The following NEFL variants were observed in gnomAD, a reference collection of about 807,000 sequenced individuals.
NEFL encodes the protein neurofilament light chain, also known as neurofilament light polypeptide.
NEFL carries 36 observed loss-of-function variants against 51.6 expected under a neutral mutation model. The ratio of observed to expected loss-of-function variants is 0.70; its 90% CI spans 0.53 to 0.92. The LOEUF is 0.92. Ranked by LOEUF, NEFL falls within the 40% of genes least tolerant of loss-of-function variation. NEFL has a pLI of 0.00. For missense variants in NEFL, 671 were observed against 722.0 expected, an observed-to-expected ratio of 0.93 and a Z score of 0.81; for synonymous variants, 332 against 302.5, an observed-to-expected ratio of 1.10 and a Z score of -1.01.
chr8:24,953,876 G>A (rs1452962908), intron 2 of NEFL, 81 bp from the exon 3 acceptor site: 16 of 1,476,060 alleles, frequency 1.1e-5, no homozygotes, highest in South Asian at 1.0e-4. Flanking sequence ...ACAAAGGCAA[G>A]CAGGAGCAGG....
At position 24,956,080 on chromosome 8, in the gene NEFL, G is replaced by A. The variant is rs772789963; in HGVS notation, c.436C>T (p.Leu146=). The A allele has an allele frequency of 2.5e-6, 4 of 1,604,656 alleles. No homozygotes were observed. The highest frequency in any genetic ancestry group is 3.4e-6 in the Non-Finnish European group (4 of 1,178,506). ...GTGGCATCTTCCGCCGCCAGGCGCA[G>A]GTCGCGGATCTCCTGCTCGTACAGC... ...RALYEQEIRD[L]RLAAEDATNE... The change falls in exon 1 of 4, where the codon CTG becomes TTG. Residue 146 remains leucine, a synonymous_variant. Coordinates refer to ENST00000610854, the MANE Select transcript of NEFL (RefSeq NM_006158.5). The surrounding 1 kb of genome is among the most constrained non-coding windows in gnomAD (Gnocchi z 5.9).
Position 24,955,046 on chromosome 8 carries a change from G to T in NEFL, c.1044+426C>A, listed in dbSNP as rs1021369074. ...AGTGGTTGGTAAAACTAGTCATAAA[G>T]CATGCTGGTCACAGTAATCCTTCAG... On this transcript the variant is annotated intron_variant, in intron 1 of 3. Transcript: ENST00000610854. The surrounding 1 kb of genome is among the most constrained non-coding windows in gnomAD (Gnocchi z 4.0). 6.6e-6 allele frequency among the ~76,000 whole-genome samples: 1 copy of T among 152,184 alleles called. No homozygotes were observed. The highest frequency in any genetic ancestry group is 1.9e-4 in the East Asian group (1 of 5,194).
chr8:24,956,099 G>A lies in NEFL; in HGVS notation c.417C>T (p.Tyr139=), dbSNP rs545637885. Reference sequence around the variant, plus strand: ...GGCGCAGGTCGCGGATCTCCTGCTCGTACAGCGCCCGGAAGCGGGATGGCT... The same window carrying A: ...GGCGCAGGTCGCGGATCTCCTGCTCATACAGCGCCCGGAAGCGGGATGGCT... ...HSEPSRFRAL[Y]EQEIRDLRLA... The change falls in exon 1 of 4, where the codon TAC becomes TAT. Residue 139 remains tyrosine, a synonymous_variant. Coordinates refer to ENST00000610854, the MANE Select transcript of NEFL (RefSeq NM_006158.5). The surrounding 1 kb of genome is among the most constrained non-coding windows in gnomAD (Gnocchi z 5.9). 4 of 1,606,426 alleles carry A rather than the reference G, an allele frequency of 2.5e-6. No homozygotes were observed. In the Admixed American group the frequency reaches 5.0e-5, roughly 20 times the overall value.
chr8:24,953,509 C>T lies in NEFL; in HGVS notation c.1456G>A (p.Ala486Thr), dbSNP rs1451279397. 6.2e-7 allele frequency: 1 copy of T among 1,603,944 alleles called. No homozygotes were observed. Among genetic ancestry groups the T allele is most frequent in the Admixed American group, 1.7e-5 (1 of 57,518 alleles). The change falls in exon 3 of 4, where the codon GCC becomes ACC. Residue 486 changes from alanine (A) to threonine (T), a missense_variant. Coordinates refer to ENST00000610854, the MANE Select transcript of NEFL (RefSeq NM_006158.5). ...TCTTCAGCTGCCTCCTCTTCCTCGG[C>T]CTCTTCCTTGTCCTTCTCCTCCTCC... ...AEEEEKDKEE[A>T]EEEEAAEEEE... is the part of the protein sequence containing the mutation.
chr8:24,953,476 C>T lies in NEFL; in HGVS notation c.1489G>A (p.Ala497Thr), dbSNP rs1436526356. Residue 497 changes from alanine to threonine, a missense_variant and splice_region_variant, in exon 3 of 4, where the codon GCT becomes ACT. Coordinates refer to ENST00000610854, the MANE Select transcript of NEFL (RefSeq NM_006158.5). ...EEEEAAEEEE[A>T]AKEESEEAKE... is the part of the protein sequence containing the mutation. ...TTGCAGGGGTTTTTTCTTATCATAC[C>T]TTCTTCCTCTTCAGCTGCCTCCTCT... The T allele has an allele frequency of 5.1e-6, 8 of 1,563,280 alleles. No homozygotes were observed. The highest frequency in any genetic ancestry group is 2.4e-5 in the East Asian group (1 of 42,158).
At chr8:24,954,656 A>T (rs1410082313) in intron 1 of NEFL, among the ~76,000 whole-genome samples, 1 of 152,236 alleles carries the variant, frequency 6.6e-6, no homozygotes, top group South Asian at 2.1e-4. Context: ...GTTACATGCC[A>T]GGAAACTAAT....
In NEFL at chr8:24,956,211, G is replaced by A; in HGVS notation, c.305C>T (p.Ala102Val). 1.2e-6 allele frequency: 2 copies of A among 1,611,230 alleles called. No individual in the cohort carries two copies. Among genetic ancestry groups the A allele is most frequent in the Non-Finnish European group, 1.7e-6 (2 of 1,178,866 alleles). ...AQLQDLNDRFASFIERVHELE... is the reference protein window; with the variant it reads ...AQLQDLNDRFVSFIERVHELE... ...CTCGTGCACGCGCTCGATGAAGCTG[G>A]CGAAGCGGTCATTGAGGTCCTGGAG... is the stretch of plus-strand genomic sequence containing the variant. The change falls in exon 1 of 4, where the codon GCC becomes GTC. Residue 102 changes from alanine (A) to valine (V), a missense_variant. Coordinates refer to ENST00000610854, the MANE Select transcript of NEFL (RefSeq NM_006158.5). This position sits in a 1 kb window ranked among gnomAD's most constrained non-coding sequence, Gnocchi z 5.9.
chr8:24,954,212 T>C lies in NEFL; in HGVS notation c.1138A>G (p.Met380Val), dbSNP rs764259554. ...GCTGCAATCTCAATATCCAAAGCCA[T>C]CTTCACGTTGAGGAGGTCTTGGTAT... ...KEYQDLLNVK[M>V]ALDIEIAAYR... The change falls in exon 2 of 4, where the codon ATG (methionine) becomes GTG (valine). Residue 380 changes from methionine (M) to valine (V), a missense_variant. Met to Val is a conservative substitution (Grantham distance 21). Transcript: ENST00000610854. The C allele has an allele frequency of 3.7e-6, 6 of 1,613,856 alleles. No homozygotes were observed. Among genetic ancestry groups the C allele is most frequent in the Non-Finnish European group, 4.2e-6 (5 of 1,179,882 alleles).
Position 24,954,297 on chromosome 8 carries a change from G to T in NEFL, c.1053C>A (p.Ile351=). ...NADISAMQDT[I]NKLENELRTT... ...TCCTCAATTCATTTTCTAATTTGTT[G>T]ATCGTGTCCTGTTTGAAGACAAAAA... is the stretch of plus-strand genomic sequence containing the variant. The change falls in exon 2 of 4, where the codon ATC becomes ATA. Residue 351 remains isoleucine, a synonymous_variant. Coordinates refer to ENST00000610854, the MANE Select transcript of NEFL (RefSeq NM_006158.5). The T allele has an allele frequency of 6.2e-7, 1 of 1,611,032 alleles. No homozygotes were observed. The highest frequency in any genetic ancestry group is 1.3e-5 in the African/African-American group (1 of 74,786).
At position 24,955,434 on chromosome 8, in the gene NEFL, G is replaced by C. The variant is rs1372739072; in HGVS notation, c.1044+38C>G. ...GGCGCACCAACTCCCCCCCTTGCTC[G>C]AGTCCCCCGCCCCCCTGTGTTTCTG... is the stretch of plus-strand genomic sequence containing the variant. On this transcript the variant is annotated intron_variant, in intron 1 of 3. Coordinates refer to ENST00000610854, the MANE Select transcript of NEFL (RefSeq NM_006158.5). This position sits in a 1 kb window ranked among gnomAD's most constrained non-coding sequence, Gnocchi z 4.0. The C allele has an allele frequency of 2.3e-4, 323 of 1,393,072 alleles. No homozygotes were observed. Among genetic ancestry groups the C allele is most frequent in the South Asian group, 1.1e-3 (64 of 56,284 alleles). The allele number at this position is 1,393,072 out of a possible 1,614,324, so 86.3% of individuals were successfully genotyped here.
In NEFL at chr8:24,955,497, T is replaced by C. The variant is rs1803033372; in HGVS notation, c.1019A>G (p.Gln340Arg). 1.9e-6 allele frequency: 3 copies of C among 1,610,296 alleles called. No individual in the cohort carries two copies. Among genetic ancestry groups the C allele is most frequent in the Non-Finnish European group, 2.5e-6 (3 of 1,178,960 alleles). Residue 340 changes from glutamine (Q) to arginine (R), a missense_variant, in exon 1 of 4, where the codon CAG becomes CGG. Gln to Arg is a conservative substitution (Grantham distance 43). Transcript: ENST00000610854. This position sits in a 1 kb window ranked among gnomAD's most constrained non-coding sequence, Gnocchi z 4.0. ...CTGCATAGCGCTGATGTCGGCGTTC[T>C]GCTTGTCCTCCAGCTCCTGCAGCTG... ...EKQLQELEDK[Q>R]NADISAMQDT...
In NEFL at chr8:24,953,732, GC is replaced by G; in HGVS notation, c.1232del (p.Gly411AlafsTer23). The part of the protein sequence containing the change: ...SFTSVGSITS[G>X]YSQSSQVFGR... ...CAAAGACCTGGGAGCTCTGGGAGTA[GC>G]CACTGGTTATGCTTCCCACGCTGGT... On this transcript the variant is annotated frameshift_variant, in exon 3 of 4. Transcript: ENST00000610854. LOFTEE classifies it high-confidence loss of function. 2 of 1,614,006 alleles carry G rather than the reference GC, an allele frequency of 1.2e-6. No individual in the cohort carries two copies. The highest frequency in any genetic ancestry group is 1.7e-6 in the Non-Finnish European group (2 of 1,179,888).
intron 2 of NEFL, 77 bp from the exon 3 acceptor site, chr8:24,953,872 G>A: frequency 6.8e-7 from 1 of 1,477,946 alleles, no homozygotes. Flanking sequence ...AAACACAAAG[G>A]CAAGCAGGAG....
At chr8:24,953,902 T>C (rs1803006133) in intron 2 of NEFL, 107 bp from the exon 3 acceptor site, 2 of 1,419,164 alleles carry the variant, frequency 1.4e-6, no homozygotes, top group Middle Eastern at 2.6e-4. Flanking sequence ...GATTTATCAA[T>C]ACTTAATGCC....
intron 1 of NEFL, 77 bp from the exon 2 acceptor site, chr8:24,954,382 C>T: frequency 6.5e-7 from 1 of 1,528,332 alleles, no homozygotes; most frequent in Non-Finnish European, 8.9e-7. Context: ...AGTGTAGTTG[C>T]AAAGGCCTAG....
Position 24,955,591 on chromosome 8 carries a change from G to C in NEFL, c.925C>G (p.Arg309Gly). 6.2e-7 allele frequency: 1 copy of C among 1,613,730 alleles called. No individual in the cohort carries two copies. The highest frequency in any genetic ancestry group is 8.5e-7 in the Non-Finnish European group (1 of 1,179,854). ...RAAKDEVSES[R>G]RLLKAKTLEI... is the part of the protein sequence containing the mutation. Reference sequence around the variant, plus strand: ...AGGGTCTTGGCCTTGAGCAGACGACGGCTCTCGGACACCTCGTCCTTGGCG... The same window carrying C: ...AGGGTCTTGGCCTTGAGCAGACGACCGCTCTCGGACACCTCGTCCTTGGCG... The change falls in exon 1 of 4, where the codon CGT (arginine) becomes GGT (glycine). Residue 309 changes from arginine to glycine, a missense_variant. Arg to Gly is a moderately radical substitution (Grantham distance 125, BLOSUM62 -2). Transcript: ENST00000610854. This position sits in a 1 kb window ranked among gnomAD's most constrained non-coding sequence, Gnocchi z 4.0.
At position 24,955,889 on chromosome 8, in the gene NEFL, G is replaced by A. The variant is rs564451527; in HGVS notation, c.627C>T (p.Leu209=). The change falls in exon 1 of 4, where the codon CTC becomes CTT. Residue 209 remains leucine, a synonymous_variant. Transcript: ENST00000610854. The surrounding 1 kb of genome is among the most constrained non-coding windows in gnomAD (Gnocchi z 4.0). ...ADEAALARAE[L]EKRIDSLMDE... ...CCATCAAGCTGTCGATGCGCTTCTC[G>A]AGCTCGGCGCGAGCGAGCGCCGCCT... The A allele has an allele frequency of 6.2e-7, 1 of 1,606,572 alleles. No homozygotes were observed. Among genetic ancestry groups the A allele is most frequent in the Non-Finnish European group, 8.5e-7 (1 of 1,179,840 alleles).
In NEFL at chr8:24,955,894, C is replaced by G. The variant is rs773517203; in HGVS notation, c.622G>C (p.Glu208Gln). 1 of 1,606,044 alleles carries G rather than the reference C, an allele frequency of 6.2e-7. No individual in the cohort carries two copies. Among genetic ancestry groups the G allele is most frequent in the South Asian group, 1.1e-5 (1 of 91,074 alleles). ...AAGCTGTCGATGCGCTTCTCGAGCT[C>G]GGCGCGAGCGAGCGCCGCCTCGTCG... Reference protein sequence around the residue: ...GADEAALARAELEKRIDSLMD... With the variant: ...GADEAALARAQLEKRIDSLMD... The change falls in exon 1 of 4, where the codon GAG (glutamate) becomes CAG (glutamine). Residue 208 changes from glutamate (E) to glutamine (Q), a missense_variant. Coordinates refer to ENST00000610854, the MANE Select transcript of NEFL (RefSeq NM_006158.5). The surrounding 1 kb of genome is among the most constrained non-coding windows in gnomAD (Gnocchi z 4.0).
rs1383394564 is a variant in NEFL at position 24,951,876 on chromosome 8, A to G, written c.*934T>C. ...TCTCAGGTTTTAACCTCCTCCCATG[A>G]TATTTAGACTATATTTTAAAATGCA... On this transcript the variant is annotated 3_prime_UTR_variant, in exon 4 of 4. Coordinates refer to ENST00000610854, the MANE Select transcript of NEFL (RefSeq NM_006158.5). 2 of 152,544 alleles carry G rather than the reference A, an allele frequency of 1.3e-5. No individual in the cohort carries two copies. Among genetic ancestry groups the G allele is most frequent in the Non-Finnish European group, 2.9e-5 (2 of 68,034 alleles). The allele number at this position is 152,544 out of a possible 1,614,324, so 9.4% of individuals were successfully genotyped here. A position where few individuals can be genotyped will look rare whatever the true frequency, so the allele number is the denominator to read the frequency against.
Sources: allele counts gnomAD v4.1 joint callset (sites outside exome capture counted in the v4.1 genomes callset), GRCh38; gene constraint gnomAD v4.1.1; non-coding constraint Gnocchi (gnomAD v3.1); transcripts MANE v1.5; gene names NCBI Gene and HGNC (gene_info 2026-07-23, HGNC 2026-07-21).